The following CSMD1 variants were observed in gnomAD, a reference collection of about 807,000 sequenced individuals.
CSMD1 encodes CUB and Sushi multiple domains 1.
A neutral mutation model predicts 417.5 loss-of-function variants in CSMD1; 213 were observed. That is an observed-to-expected ratio of 0.51 (90% CI 0.46 to 0.57). CSMD1 has a LOEUF of 0.57. Ranked by LOEUF, CSMD1 falls within the 20% of genes least tolerant of loss-of-function variation. The pLI is 0.00. For synonymous variants in CSMD1, 2,862 were observed against 1,736.8 expected (o/e 1.65, Z -16.11); for missense variants, 6,923 against 4,529.7 (o/e 1.53, Z -15.17).
At chr8:3,548,303 T>C (rs546455422) in intron 10 of CSMD1, among the ~76,000 whole-genome samples, 1 of 152,174 alleles carries the variant, frequency 6.6e-6, no homozygotes, top group Non-Finnish European at 1.5e-5. Context: ...ATTATTATTT[T>C]TTATTTCCAT....
At chr8:4,710,677 C>T (rs1808230675) in intron 1 of CSMD1, among the ~76,000 whole-genome samples, 1 of 151,410 alleles carries the variant, frequency 6.6e-6, no homozygotes, top group African/African-American at 2.4e-5. Flanking sequence ...AACCCCGTCT[C>T]TACTAAAAAT....
At chr8:3,828,828 G>C (rs1461597154) in intron 5 of CSMD1, among the ~76,000 whole-genome samples, 1 of 151,970 alleles carries the variant, frequency 6.6e-6, no homozygotes, top group East Asian at 1.9e-4. Flanking sequence ...CCTCACTCTT[G>C]ATTGCAAAAC....
intron 23 of CSMD1, among the ~76,000 whole-genome samples, chr8:3,322,864 C>T (rs896709088): frequency 3.9e-5 from 6 of 152,226 alleles, no homozygotes; most frequent in Non-Finnish European, 2.9e-5. Context: ...TTCTGGTTAA[C>T]ATAATGGCAA....
chr8:4,074,989 C>T (rs1261923554), intron 3 of CSMD1, among the ~76,000 whole-genome samples: 1 of 152,062 alleles, frequency 6.6e-6, no homozygotes, highest in Admixed American at 6.6e-5. Flanking sequence ...GGGATATGAA[C>T]TCTACAAATG....
chr8:4,933,528 G>A (rs181262233), intron 1 of CSMD1, among the ~76,000 whole-genome samples: 23 of 152,312 alleles, frequency 1.5e-4, no homozygotes, highest in African/African-American at 4.3e-4. Context: ...CTTCAAGACA[G>A]AGAGAAAAAT....
At chr8:3,939,949 A>G (rs773619893) in intron 5 of CSMD1, among the ~76,000 whole-genome samples, 5 of 152,088 alleles carry the variant, frequency 3.3e-5, no homozygotes, top group African/African-American at 2.4e-5. Flanking sequence ...GAATCTCAGA[A>G]ATCACCACTA....
At chr8:4,617,132 C>T (rs973133055) in intron 2 of CSMD1, among the ~76,000 whole-genome samples, 8 of 151,670 alleles carry the variant, frequency 5.3e-5, no homozygotes, top group African/African-American at 1.2e-4. Flanking sequence ...ATTCTTATGC[C>T]AACTAAGACA....
chr8:3,251,044 C>T (rs1318325927), intron 26 of CSMD1, among the ~76,000 whole-genome samples: 2 of 152,112 alleles, frequency 1.3e-5, no homozygotes, highest in Non-Finnish European at 2.9e-5. Flanking sequence ...GTTTCTTTTG[C>T]TGTGCAGAAG....
chr8:4,916,184 C>G (rs1002232787), intron 1 of CSMD1, among the ~76,000 whole-genome samples: 1 of 152,176 alleles, frequency 6.6e-6, no homozygotes, highest in Non-Finnish European at 1.5e-5. Flanking sequence ...AGAGTCCTCT[C>G]CATGGGAGCA....
At chr8:4,239,221 A>C (rs560724247) in intron 3 of CSMD1, among the ~76,000 whole-genome samples, 3 of 152,302 alleles carry the variant, frequency 2.0e-5, no homozygotes, top group Non-Finnish European at 4.4e-5. Context: ...CACGTTTCAC[A>C]TCCTGCCAAA....
intron 57 of CSMD1, among the ~76,000 whole-genome samples, chr8:2,970,015 T>A (rs1444035356): frequency 2.0e-5 from 3 of 152,234 alleles, no homozygotes; most frequent in African/African-American, 4.8e-5. Flanking sequence ...ATTTTGTGTA[T>A]GCAGCTTTTA....
intron 48 of CSMD1, among the ~76,000 whole-genome samples, chr8:3,087,841 G>A (rs1245493921): frequency 1.3e-5 from 2 of 152,142 alleles, no homozygotes; most frequent in African/African-American, 4.8e-5. Flanking sequence ...CTGTCACCAG[G>A]ATAAAAGTGA....
chr8:3,794,979 A>T (rs907359397), intron 5 of CSMD1, among the ~76,000 whole-genome samples: 1 of 151,688 alleles, frequency 6.6e-6, no homozygotes, highest in African/African-American at 2.4e-5. Context: ...AGCTATAGAT[A>T]TATATCTATC....
rs760634175 is a variant in CSMD1, at chr8:4,864,525, A to AT, written c.85+129806dup. On this transcript the variant is annotated intron_variant, in intron 1 of 69. Coordinates refer to ENST00000635120, the MANE Select transcript of CSMD1 (RefSeq NM_033225.6). ...TTTCTATTTAGTTTTTGCATATGTGATTTTTTTATGGGCAGAGTGATCATC... is the reference window on the plus strand; with the variant it reads ...TTTCTATTTAGTTTTTGCATATGTGATTTTTTTTATGGGCAGAGTGATCATC... Among the ~76,000 whole-genome samples, 116 of 151,782 alleles carry AT rather than the reference A, an allele frequency of 7.6e-4. 2 individuals carry two copies. Among genetic ancestry groups the AT allele is most frequent in the South Asian group, 2.5e-3 (12 of 4,820 alleles).
At chr8:3,944,162 T>G (rs570597530) in intron 5 of CSMD1, among the ~76,000 whole-genome samples, 1 of 152,282 alleles carries the variant, frequency 6.6e-6, no homozygotes, top group East Asian at 1.9e-4. Context: ...ATTTTTTTAC[T>G]GTTTATGCAA....
chr8:4,531,105 C>T (rs183289686), intron 2 of CSMD1, among the ~76,000 whole-genome samples: 110 of 152,200 alleles, frequency 7.2e-4, no homozygotes, highest in African/African-American at 2.5e-3. Flanking sequence ...GCTGAATCAT[C>T]GCGAGTAGAA....
chr8:2,961,992 A>T (rs1328777216), intron 61 of CSMD1, among the ~76,000 whole-genome samples: 1 of 152,224 alleles, frequency 6.6e-6, no homozygotes, highest in Non-Finnish European at 1.5e-5. Flanking sequence ...GAAAATAATC[A>T]AGACTAAGTA....
intron 7 of CSMD1, among the ~76,000 whole-genome samples, chr8:3,631,762 A>G (rs768990461): frequency 6.6e-6 from 1 of 152,238 alleles, no homozygotes; most frequent in Non-Finnish European, 1.5e-5. Context: ...AAGCGCTCTC[A>G]AAGGATTTAT....
At chr8:4,377,304 A>C (rs1802814274) in intron 3 of CSMD1, among the ~76,000 whole-genome samples, 1 of 152,174 alleles carries the variant, frequency 6.6e-6, no homozygotes, top group African/African-American at 2.4e-5. Flanking sequence ...AGGAGAAGTC[A>C]CCACAGCCCA....
Sources: gnomAD v4.1 joint callset for allele counts (sites outside exome capture counted in the v4.1 genomes callset) on GRCh38, gnomAD v4.1.1 for gene constraint, MANE v1.5 for transcripts, NCBI Gene and HGNC (gene_info 2026-07-23, HGNC 2026-07-21) for gene names.